KCNQ5: variants seen among roughly 807,000 people sequenced by gnomAD.
The protein encoded by KCNQ5 is potassium voltage-gated channel subfamily KQT member 5.
In KCNQ5, 30 loss-of-function variants were observed where a neutral mutation model predicts 98.2. The observed-to-expected ratio is 0.31, with a 90% CI of 0.23 to 0.41. KCNQ5 has a LOEUF of 0.41. Among genes scored for constraint, KCNQ5 ranks in the 10% least tolerant of loss-of-function variants. KCNQ5 has a pLI of 1.00. For synonymous variants in KCNQ5, 458 were observed against 449.4 expected (o/e 1.02, Z -0.24); for missense variants, 835 against 1,182.5 (o/e 0.71, Z 4.31).
chr6:72,758,634 G>A (rs866899124), intron 1 of KCNQ5, among the ~76,000 whole-genome samples: 6 of 152,220 alleles, frequency 3.9e-5, no homozygotes, highest in Non-Finnish European at 1.5e-5. Flanking sequence ...ACTAGGAAAC[G>A]GGTGAGAACA....
intron 1 of KCNQ5, among the ~76,000 whole-genome samples, chr6:72,999,774 T>C (rs1769473732): frequency 6.6e-6 from 1 of 152,182 alleles, no homozygotes; most frequent in Non-Finnish European, 1.5e-5. Context: ...AAACAACCCC[T>C]AGCAGTAGGG....
chr6:72,943,414 T>C (rs1237644433), intron 1 of KCNQ5, among the ~76,000 whole-genome samples: 1 of 152,210 alleles, frequency 6.6e-6, no homozygotes, highest in Non-Finnish European at 1.5e-5. Flanking sequence ...TAGCAATCAT[T>C]CTCTAGTGCA....
intron 3 of KCNQ5, among the ~76,000 whole-genome samples, chr6:73,065,076 ACT>A (rs1481436971): frequency 6.7e-6 from 1 of 148,804 alleles, no homozygotes; most frequent in Non-Finnish European, 1.5e-5. Flanking sequence ...CTACTGCCTG[ACT>A]CTGCATCCCT....
At chr6:73,194,312 G>T in intron 13 of KCNQ5, 140 bp from the exon 14 acceptor site, 1 of 734,838 alleles carries the variant, frequency 1.4e-6, no homozygotes, top group East Asian at 2.7e-5. Context: ...TTCACTAAGG[G>T]TCAAGACTGC....
At position 73,038,531 on chromosome 6, in the gene KCNQ5, T is replaced by G. The variant is rs141501554; in HGVS notation, c.490-3405T>G. Among the ~76,000 whole-genome samples the G allele has an allele frequency of 3.4e-3, 518 of 152,244 alleles. 4 individuals carry two copies. Among genetic ancestry groups the G allele is most frequent in the Middle Eastern group, 0.01 (3 of 294 alleles). On this transcript the variant is annotated intron_variant, in intron 2 of 13. Transcript: ENST00000370398. ...GTAAATGCTATTTATCGAATTAAAC[T>G]GTTAAACCTCTTTTCCTAACTTGCC...
chr6:72,914,473 C>T (rs1020518065), intron 1 of KCNQ5, among the ~76,000 whole-genome samples: 2 of 150,098 alleles, frequency 1.3e-5, no homozygotes, highest in African/African-American at 4.9e-5. Flanking sequence ...CTTTCACAAG[C>T]AGGCCACCCT....
intron 1 of KCNQ5, among the ~76,000 whole-genome samples, chr6:72,826,018 C>T (rs1775979162): frequency 6.6e-6 from 1 of 152,130 alleles, no homozygotes; most frequent in Non-Finnish European, 1.5e-5. Flanking sequence ...TCACACTTCT[C>T]TGGTGGAAAA....
chr6:72,851,289 A>C (rs773570971), intron 1 of KCNQ5, among the ~76,000 whole-genome samples: 28 of 152,188 alleles, frequency 1.8e-4, no homozygotes, highest in Admixed American at 4.6e-4. Context: ...TGAAATTATT[A>C]GTTCAACGAC....
chr6:72,948,501 T>C (rs1766648213), intron 1 of KCNQ5, among the ~76,000 whole-genome samples: 1 of 152,122 alleles, frequency 6.6e-6, no homozygotes, highest in Non-Finnish European at 1.5e-5. Context: ...ATCTTTTTCT[T>C]TTTAATGGAT....
At chr6:72,974,385 CAAA>C (rs201503571) in intron 1 of KCNQ5, among the ~76,000 whole-genome samples, 2 of 120,452 alleles carry the variant, frequency 1.7e-5, no homozygotes. Context: ...TAACTAGTGG[CAAA>C]AAAAAAAAAA....
intron 10 of KCNQ5, among the ~76,000 whole-genome samples, chr6:73,155,232 A>G (rs1241174639): frequency 1.3e-5 from 2 of 152,208 alleles, no homozygotes; most frequent in Admixed American, 1.3e-4. Flanking sequence ...AAATAAAGTT[A>G]TGGTTTTCAA....
intron 9 of KCNQ5, among the ~76,000 whole-genome samples, chr6:73,131,269 T>C (rs1776225824): frequency 6.6e-6 from 1 of 152,184 alleles, no homozygotes; most frequent in Non-Finnish European, 1.5e-5. Flanking sequence ...TAATTTTTCA[T>C]ATTAAGTGTT....
chr6:72,922,136 G>A (rs540387858), intron 1 of KCNQ5, among the ~76,000 whole-genome samples: 1 of 152,254 alleles, frequency 6.6e-6, no homozygotes, highest in African/African-American at 2.4e-5. Flanking sequence ...CATATTTTAT[G>A]TATAAACATC....
intron 2 of KCNQ5, among the ~76,000 whole-genome samples, chr6:73,009,517 A>G (rs2150328342): frequency 6.6e-6 from 1 of 152,312 alleles, no homozygotes; most frequent in East Asian, 1.9e-4. Context: ...AGCTAGCCAG[A>G]ACAAAGGAAA....
chr6:73,006,481 GTC>G (rs779712253), intron 2 of KCNQ5, among the ~76,000 whole-genome samples: 3 of 151,978 alleles, frequency 2.0e-5, no homozygotes, highest in Non-Finnish European at 2.9e-5. Flanking sequence ...GTGAAAGCCT[GTC>G]TCTACTAAAA....
At chr6:73,169,892 A>C (rs1777942170) in intron 11 of KCNQ5, 38 bp downstream of exon 11, 1 of 1,277,428 alleles carries the variant, frequency 7.8e-7, no homozygotes, top group Non-Finnish European at 1.1e-6. Flanking sequence ...TCAGAGACAT[A>C]CTTATGATTA....
At position 72,929,072 on chromosome 6, in the gene KCNQ5, T is replaced by G. The variant is rs1765575160; in HGVS notation, c.399-74836T>G. 3.3e-5 allele frequency among the ~76,000 whole-genome samples: 5 copies of G among 152,264 alleles called. No homozygotes were observed. The South Asian group carries it at 1.0e-3, about 32-fold the overall frequency. ...TTAATCAGTCCTATAAACCATATTT[T>G]AAAATCCTAACCTCATAAATGCTGA... is the stretch of plus-strand genomic sequence containing the variant. On this transcript the variant is annotated intron_variant, in intron 1 of 13. Transcript: ENST00000370398.
At chr6:72,633,475 C>A (rs565073910) in intron 1 of KCNQ5, among the ~76,000 whole-genome samples, 1 of 152,284 alleles carries the variant, frequency 6.6e-6, no homozygotes, top group African/African-American at 2.4e-5. Context: ...CTGCCCAAAG[C>A]AATTTACAGA....
At chr6:72,841,149 C>T (rs1206082169) in intron 1 of KCNQ5, among the ~76,000 whole-genome samples, 1 of 152,174 alleles carries the variant, frequency 6.6e-6, no homozygotes, top group Non-Finnish European at 1.5e-5. Flanking sequence ...AATCCTACAC[C>T]TCTTCATAGT....
Sources: gnomAD v4.1 joint callset for allele counts (sites outside exome capture counted in the v4.1 genomes callset) on GRCh38, gnomAD v4.1.1 for gene constraint, MANE v1.5 for transcripts, NCBI Gene and HGNC (gene_info 2026-07-23, HGNC 2026-07-21) for gene names.